Variants in MACROD2 observed in about 807,000 individuals in gnomAD.
MACROD2 encodes the protein mono-ADP ribosylhydrolase 2, also known as ADP-ribose glycohydrolase MACROD2.
A neutral mutation model predicts 70.4 loss-of-function variants in MACROD2; 36 were observed. That is an observed-to-expected ratio of 0.51 (90% confidence interval 0.39 to 0.68). MACROD2 has a LOEUF of 0.68. Among genes scored for constraint, MACROD2 ranks in the 30% least tolerant of loss-of-function variants. The pLI is 0.00. For missense variants in MACROD2, 496 were observed against 538.4 expected, an observed-to-expected ratio of 0.92 and a Z score of 0.78; for synonymous variants, 172 against 178.8, an observed-to-expected ratio of 0.96 and a Z score of 0.30.
At chr20:15,117,004 T>C (rs991112023) in intron 5 of MACROD2, among the ~76,000 whole-genome samples, 1 of 152,220 alleles carries the variant, frequency 6.6e-6, no homozygotes, top group African/African-American at 2.4e-5. Flanking sequence ...GCATTTTTTT[T>C]CTTAGTTTAA....
chr20:14,147,822 C>CT (rs1304781062), intron 3 of MACROD2, among the ~76,000 whole-genome samples: 2 of 151,836 alleles, frequency 1.3e-5, no homozygotes, highest in Non-Finnish European at 2.9e-5. Context: ...TGCTGTATTT[C>CT]TTTTTATTAA....
At chr20:14,802,125 A>G (rs116227009) in intron 5 of MACROD2, among the ~76,000 whole-genome samples, 2,055 of 152,110 alleles carry the variant, frequency 0.014, 49 homozygotes, top group African/African-American at 0.047. Context: ...CATGTGCTGA[A>G]CTGAGTGGTG....
intron 3 of MACROD2, among the ~76,000 whole-genome samples, chr20:14,095,319 A>G (rs1045767468): frequency 1.3e-5 from 2 of 152,350 alleles, no homozygotes; most frequent in South Asian, 2.1e-4. Context: ...AGTGTGAGAA[A>G]CACAGCCATA....
At chr20:14,192,999 C>T (rs1159805603) in intron 3 of MACROD2, among the ~76,000 whole-genome samples, 1 of 152,218 alleles carries the variant, frequency 6.6e-6, no homozygotes, top group African/African-American at 2.4e-5. Flanking sequence ...CTTTGTAATT[C>T]TCTCTGCTTT....
intron 2 of MACROD2, among the ~76,000 whole-genome samples, chr20:14,031,275 T>C (rs532406442): frequency 2.2e-4 from 34 of 152,334 alleles, no homozygotes; most frequent in African/African-American, 7.9e-4. Context: ...ATTTCTGACA[T>C]GCTATATGAA....
chr20:14,715,345 G>C (rs2071385814), intron 5 of MACROD2, among the ~76,000 whole-genome samples: 1 of 152,118 alleles, frequency 6.6e-6, no homozygotes, highest in African/African-American at 2.4e-5. Flanking sequence ...GATGAGATTT[G>C]GGTGGGGACA....
At chr20:14,548,231 T>G (rs1978396696) in intron 4 of MACROD2, among the ~76,000 whole-genome samples, 1 of 152,184 alleles carries the variant, frequency 6.6e-6, no homozygotes, top group Admixed American at 6.5e-5. Context: ...CTTCACGTTT[T>G]CAGAATCAGA....
chr20:15,921,856 C>G (rs1164373777), intron 10 of MACROD2, among the ~76,000 whole-genome samples: 2 of 152,184 alleles, frequency 1.3e-5, no homozygotes, highest in African/African-American at 4.8e-5. Context: ...GGTGCATGAA[C>G]AAGTAGATTG....
chr20:14,596,053 A>G (rs1290042122), intron 4 of MACROD2, among the ~76,000 whole-genome samples: 1 of 151,908 alleles, frequency 6.6e-6, no homozygotes, highest in Non-Finnish European at 1.5e-5. Context: ...ATGTGTTTCC[A>G]CACATACACC....
chr20:14,993,879 A>G (rs1261143778), intron 5 of MACROD2, among the ~76,000 whole-genome samples: 1 of 152,218 alleles, frequency 6.6e-6, no homozygotes, highest in East Asian at 1.9e-4. Context: ...TGCCTTATTT[A>G]GGAATCCAGC....
chr20:15,948,382 C>CTAAAA (rs2065855685), intron 12 of MACROD2, among the ~76,000 whole-genome samples: 1 of 43,130 alleles, frequency 2.3e-5, no homozygotes, highest in Non-Finnish European at 4.7e-5. Flanking sequence ...CTTGCAACTG[C>CTAAAA]AAAAAAAAAA....
chr20:14,690,942 G>T (rs1248980402), intron 5 of MACROD2, among the ~76,000 whole-genome samples: 3 of 152,148 alleles, frequency 2.0e-5, no homozygotes, highest in Non-Finnish European at 4.4e-5. Context: ...GAGTCAGACG[G>T]ATTCCAGCTC....
At chr20:14,580,677 C>T (rs1980954194) in intron 4 of MACROD2, among the ~76,000 whole-genome samples, 2 of 152,156 alleles carry the variant, frequency 1.3e-5, no homozygotes, top group African/African-American at 4.8e-5. Flanking sequence ...AGCATTATAG[C>T]TAAAAATGAA....
Position 14,910,200 on chromosome 20 carries a change from T to C in MACROD2, c.418+225241T>C, listed in dbSNP as rs115142199. 7.9e-3 allele frequency among the ~76,000 whole-genome samples: 1,205 copies of C among 152,310 alleles called. 15 individuals carry two copies. Among genetic ancestry groups the C allele is most frequent in the African/African-American group, 0.027 (1,134 of 41,568 alleles). On this transcript the variant is annotated intron_variant, in intron 5 of 17. Coordinates refer to ENST00000684519, the MANE Select transcript of MACROD2 (RefSeq NM_001351661.2). Reference sequence around the variant, plus strand: ...GTTTGGTGTGCTCAAGACCTGATCATATTTTCCTCTCTATTCTTATATCAG... The same window carrying C: ...GTTTGGTGTGCTCAAGACCTGATCACATTTTCCTCTCTATTCTTATATCAG...
intron 4 of MACROD2, among the ~76,000 whole-genome samples, chr20:14,673,447 G>A (rs559537034): frequency 2.6e-5 from 4 of 152,252 alleles, no homozygotes; most frequent in Admixed American, 2.6e-4. Context: ...TCCATGGCTG[G>A]AGAGACTGAT....
At chr20:15,342,699 A>G (rs1378683017) in intron 6 of MACROD2, among the ~76,000 whole-genome samples, 1 of 152,184 alleles carries the variant, frequency 6.6e-6, no homozygotes, top group Non-Finnish European at 1.5e-5. Context: ...GTAATATAGT[A>G]AAAATGTGAC....
chr20:15,021,117 T>TACAC lies in MACROD2; in HGVS notation c.419-208822_419-208819dup, dbSNP rs201279561. Among the ~76,000 whole-genome samples, 436 of 118,946 alleles carry TACAC rather than the reference T, an allele frequency of 3.7e-3. 36 individuals carry two copies. Among genetic ancestry groups the TACAC allele is most frequent in the Admixed American group, 0.029 (367 of 12,586 alleles). 78.0% of individuals were successfully genotyped at this position (118,946 alleles called of 152,430 possible). Reference sequence around the variant, plus strand: ...GTATGTGTATACACGTGTATGTGTATACACGTGTGTATACACATACGTGTG... The same window carrying TACAC: ...GTATGTGTATACACGTGTATGTGTATACACACACGTGTGTATACACATACGTGTG... On this transcript the variant is annotated intron_variant, in intron 5 of 17. Coordinates refer to ENST00000684519, the MANE Select transcript of MACROD2 (RefSeq NM_001351661.2).
chr20:14,746,413 T>C (rs570450891), intron 5 of MACROD2, among the ~76,000 whole-genome samples: 57 of 152,308 alleles, frequency 3.7e-4, no homozygotes, highest in African/African-American at 1.3e-3. Flanking sequence ...TCTTGCCAAA[T>C]AGTTTAGTGT....
At position 14,869,407 on chromosome 20, in the gene MACROD2, A is replaced by G. The variant is rs188300483; in HGVS notation, c.418+184448A>G. Reference sequence around the variant, plus strand: ...TGGAAGTGTTAGAGGATCAAAGCTCAAGGAAAGCCGTCATTAGCTTTCAGA... The same window carrying G: ...TGGAAGTGTTAGAGGATCAAAGCTCGAGGAAAGCCGTCATTAGCTTTCAGA... On this transcript the variant is annotated intron_variant, in intron 5 of 17. Coordinates refer to ENST00000684519, the MANE Select transcript of MACROD2 (RefSeq NM_001351661.2). Among the ~76,000 whole-genome samples the G allele has an allele frequency of 4.2e-3, 638 of 152,218 alleles. 5 individuals carry two copies. Among genetic ancestry groups the G allele is most frequent in the Middle Eastern group, 0.01 (3 of 294 alleles).
Sources: gnomAD v4.1 joint callset for allele counts (sites outside exome capture counted in the v4.1 genomes callset) on GRCh38, gnomAD v4.1.1 for gene constraint, MANE v1.5 for transcripts, NCBI Gene and HGNC (gene_info 2026-07-23, HGNC 2026-07-21) for gene names.